Variants in AK5 observed in about 807,000 individuals in gnomAD.
AK5 encodes adenylate kinase 5.
AK5 carries 27 observed loss-of-function variants against 69.5 expected under a neutral mutation model. The observed-to-expected ratio is 0.39, with a 90% CI of 0.29 to 0.54. AK5 has a LOEUF of 0.54. Ranked by LOEUF, AK5 falls within the 20% of genes least tolerant of loss-of-function variation. AK5 has a pLI of 0.71. For synonymous variants in AK5, 260 were observed against 244.4 expected (o/e 1.06, Z -0.60); for missense variants, 531 against 700.4 (o/e 0.76, Z 2.73).
chr1:77,327,023 T>C (rs1055137263), intron 5 of AK5, among the ~76,000 whole-genome samples: 2 of 152,198 alleles, frequency 1.3e-5, no homozygotes, highest in African/African-American at 4.8e-5. Flanking sequence ...CAATCATTCC[T>C]ATAGTCAATA....
At chr1:77,397,771 A>G (rs1274358797) in intron 6 of AK5, among the ~76,000 whole-genome samples, 2 of 152,184 alleles carry the variant, frequency 1.3e-5, no homozygotes, top group African/African-American at 2.4e-5. Flanking sequence ...GTATGGTGCC[A>G]CGTGCCTGTA....
At chr1:77,462,732 A>G (rs142192574) in intron 8 of AK5, among the ~76,000 whole-genome samples, 1 of 152,312 alleles carries the variant, frequency 6.6e-6, no homozygotes, top group African/African-American at 2.4e-5. Flanking sequence ...CCTAAGCCTC[A>G]ATTTCAAAAT....
rs76281595 is a variant in AK5, at chr1:77,382,597, G to A, written c.892-28384G>A. On this transcript the variant is annotated intron_variant, in intron 6 of 13. Coordinates refer to ENST00000354567, the MANE Select transcript of AK5 (RefSeq NM_174858.3). ...ACTCTTGGCCTCAAGTGAGTCACCCGTCTCAGCTTCCCAAAGTGTTGATAT... is the reference window on the plus strand; with the variant it reads ...ACTCTTGGCCTCAAGTGAGTCACCCATCTCAGCTTCCCAAAGTGTTGATAT... Among the ~76,000 whole-genome samples the A allele has an allele frequency of 5.0e-3, 764 of 152,256 alleles. 9 individuals carry two copies. Among genetic ancestry groups the A allele is most frequent in the African/African-American group, 0.017 (708 of 41,546 alleles).
At chr1:77,398,674 G>A (rs1332633580) in intron 6 of AK5, among the ~76,000 whole-genome samples, 2 of 152,112 alleles carry the variant, frequency 1.3e-5, no homozygotes, top group East Asian at 1.9e-4. Context: ...TGTCTAAAAC[G>A]AGCATATCAT....
chr1:77,535,686 G>A (rs181598352), intron 12 of AK5, among the ~76,000 whole-genome samples, 161 bp from the exon 13 acceptor site: 1 of 152,086 alleles, frequency 6.6e-6, no homozygotes, highest in African/African-American at 2.4e-5. Context: ...GACCTGGAAG[G>A]GGGGAGCTAT....
intron 5 of AK5, among the ~76,000 whole-genome samples, chr1:77,321,426 G>A (rs58413428): frequency 0.012 from 1,854 of 151,884 alleles, 45 homozygotes; most frequent in African/African-American, 0.042. Context: ...CTGAGGTCTC[G>A]CCACTGCACT....
Position 77,559,621 on chromosome 1 carries a change from G to A in AK5, c.*951G>A, listed in dbSNP as rs541159369. The A allele has an allele frequency of 1.3e-5, 2 of 152,290 alleles. No individual in the cohort carries two copies. The highest frequency in any genetic ancestry group is 2.1e-4 in the South Asian group (1 of 4,822). 9.4% of individuals were successfully genotyped at this position (152,290 alleles called of 1,614,324 possible). ...GGGTGGGAGGGGCATGTCAGTAAGT[G>A]GTGTGTTCAATGTGTTTGTTTCATA... On this transcript the variant is annotated 3_prime_UTR_variant, in exon 14 of 14. Coordinates refer to ENST00000354567, the MANE Select transcript of AK5 (RefSeq NM_174858.3).
At chr1:77,341,554 A>G (rs1227253425) in intron 6 of AK5, among the ~76,000 whole-genome samples, 1 of 152,234 alleles carries the variant, frequency 6.6e-6, no homozygotes, top group Non-Finnish European at 1.5e-5. Context: ...TAGGTAAATC[A>G]GCTGAAGCCC....
chr1:77,467,452 GGCT>G (rs1654212964), intron 8 of AK5, among the ~76,000 whole-genome samples: 1 of 151,510 alleles, frequency 6.6e-6, no homozygotes, highest in South Asian at 2.1e-4. Flanking sequence ...GGAAATCCAA[GGCT>G]GATGATTTGG....
intron 10 of AK5, among the ~76,000 whole-genome samples, chr1:77,516,584 G>A: frequency 6.6e-6 from 1 of 152,026 alleles, no homozygotes; most frequent in East Asian, 1.9e-4. Context: ...AAAGAGAAGA[G>A]GAGGAAGGAA....
intron 6 of AK5, among the ~76,000 whole-genome samples, chr1:77,359,798 T>G (rs1190832612): frequency 1.3e-5 from 2 of 152,242 alleles, no homozygotes; most frequent in African/African-American, 2.4e-5. Flanking sequence ...TTTCACAGTA[T>G]GTCAAACAGC....
At chr1:77,422,394 G>A (rs1008150530) in intron 8 of AK5, among the ~76,000 whole-genome samples, 1 of 152,166 alleles carries the variant, frequency 6.6e-6, no homozygotes, top group Non-Finnish European at 1.5e-5. Context: ...TAAACTGGAA[G>A]CTCTTAGAAG....
chr1:77,438,983 G>T (rs553805031), intron 8 of AK5, among the ~76,000 whole-genome samples: 1 of 152,208 alleles, frequency 6.6e-6, no homozygotes, highest in East Asian at 1.9e-4. Flanking sequence ...CAGAAAATCT[G>T]AGAAGAAATT....
intron 13 of AK5, among the ~76,000 whole-genome samples, chr1:77,539,194 C>T (rs942141938): frequency 2.6e-5 from 4 of 152,228 alleles, no homozygotes; most frequent in South Asian, 4.1e-4. Flanking sequence ...GATGACTCCA[C>T]GTTGGTTCGG....
Position 77,293,859 on chromosome 1 carries a change from C to A in AK5, c.314C>A (p.Ser105Tyr). Residue 105 changes from serine to tyrosine, a missense_variant, in exon 3 of 14, where the codon TCC becomes TAC. Ser to Tyr is a moderately radical substitution (Grantham distance 144). Transcript: ENST00000354567. ...YDRLPPIHQF[S>Y]IESDTDLSET... ...CGGCTCCCTCCAATCCATCAATTCT[C>A]CATAGAAAGTGACACGGATCTCTCT... 1 of 1,613,692 alleles carries A rather than the reference C, an allele frequency of 6.2e-7. No homozygotes were observed. Among genetic ancestry groups the A allele is most frequent in the Non-Finnish European group, 8.5e-7 (1 of 1,179,856 alleles).
chr1:77,544,618 G>GTT (rs1467086123), intron 13 of AK5, among the ~76,000 whole-genome samples: 1 of 151,702 alleles, frequency 6.6e-6, no homozygotes, highest in Non-Finnish European at 1.5e-5. Flanking sequence ...CCTACACAGG[G>GTT]TTAGAATCAT....
At chr1:77,371,970 A>G (rs1249875067) in intron 6 of AK5, among the ~76,000 whole-genome samples, 1 of 152,180 alleles carries the variant, frequency 6.6e-6, no homozygotes, top group Non-Finnish European at 1.5e-5. Context: ...GCACTTCCCC[A>G]TGAAGGTGTG....
At chr1:77,396,721 A>G (rs188106052) in intron 6 of AK5, among the ~76,000 whole-genome samples, 60 of 152,376 alleles carry the variant, frequency 3.9e-4, no homozygotes, top group African/African-American at 1.4e-3. Context: ...AAATAGCTTA[A>G]TGCTTAAGAG....
intron 8 of AK5, among the ~76,000 whole-genome samples, chr1:77,431,078 G>T (rs1402624477): frequency 6.6e-6 from 1 of 152,116 alleles, no homozygotes. Context: ...TAGGAGGATG[G>T]GTTTGTATAT....
Sources: gnomAD v4.1 joint callset for allele counts (sites outside exome capture counted in the v4.1 genomes callset) on GRCh38, gnomAD v4.1.1 for gene constraint, MANE v1.5 for transcripts, NCBI Gene and HGNC (gene_info 2026-07-23, HGNC 2026-07-21) for gene names.